Variants in GRIP2 observed in about 807,000 individuals in gnomAD.
GRIP2 encodes the protein glutamate receptor-interacting protein 2.
Under a neutral mutation model 108.3 loss-of-function variants are expected in GRIP2, and 58 were observed. The ratio of observed to expected loss-of-function variants is 0.54; its 90% CI spans 0.43 to 0.67. The LOEUF (loss-of-function observed/expected upper bound fraction) is 0.67, where lower values mean the gene tolerates loss of function less well. Among genes scored for constraint, GRIP2 ranks in the 30% least tolerant of loss-of-function variants. The pLI, the probability that GRIP2 is intolerant of heterozygous loss-of-function variation, is 0.00. For missense variants in GRIP2, 1,278 were observed against 1,430.6 expected (o/e 0.89, Z 1.72); for synonymous variants, 586 against 598.2 (o/e 0.98, Z 0.30).
intron 21 of GRIP2, among the ~76,000 whole-genome samples, chr3:14,503,101 C>T (rs1468975382): frequency 6.6e-6 from 1 of 152,230 alleles, no homozygotes; most frequent in Non-Finnish European, 1.5e-5. Context: ...CCCCTTATCT[C>T]CTGTGTCGTC....
intron 9 of GRIP2, 25 bp downstream of exon 9, chr3:14,520,085 C>T: frequency 1.3e-6 from 2 of 1,563,296 alleles, no homozygotes; most frequent in Non-Finnish European, 1.7e-6. Flanking sequence ...AGGTTTGGGC[C>T]CTGAGATCTA....
Position 14,505,682 on chromosome 3 carries a change from T to C in GRIP2, c.2506A>G (p.Thr836Ala). Reference sequence around the variant, plus strand: ...AAGCTCTCGTCAGCTGGGGTTGGGGTATAGCTCGTCCTCCGGGGCTCGGTG... The same window carrying C: ...AAGCTCTCGTCAGCTGGGGTTGGGGCATAGCTCGTCCTCCGGGGCTCGGTG... ...PPTEPRRTSY[T>A]PTPADESFPE... The change falls in exon 20 of 24, where the codon ACC becomes GCC. Residue 836 changes from threonine (T) to alanine (A), a missense_variant. Physicochemically the swap from Thr to Ala is moderately conservative, Grantham distance 58. Coordinates refer to ENST00000621039, the MANE Select transcript of GRIP2 (RefSeq NM_001080423.4). This position sits in a 1 kb window ranked among gnomAD's most constrained non-coding sequence, Gnocchi z 4.2. The C allele has an allele frequency of 6.2e-7, 1 of 1,605,576 alleles. No individual in the cohort carries two copies. The highest frequency in any genetic ancestry group is 8.5e-7 in the Non-Finnish European group (1 of 1,176,184).
Position 14,517,835 on chromosome 3 carries a change from G to T in GRIP2, c.1093C>A (p.Pro365Thr). 6.2e-7 allele frequency: 1 copy of T among 1,604,384 alleles called. No individual in the cohort carries two copies. Among genetic ancestry groups the T allele is most frequent in the Non-Finnish European group, 8.5e-7 (1 of 1,176,038 alleles). ...GGCATCCTGCAGTGGCCGGGCCGGGGGCTGTGGCAGGAGGGCACGCAGGGG... is the reference window on the plus strand; with the variant it reads ...GGCATCCTGCAGTGGCCGGGCCGGGTGCTGTGGCAGGAGGGCACGCAGGGG... ...WDPCVPSCHSPRPGHCRMPTW... is the reference protein window; with the variant it reads ...WDPCVPSCHSTRPGHCRMPTW... The change falls in exon 10 of 24, where the codon CCC becomes ACC. Residue 365 changes from proline (P) to threonine (T), a missense_variant. Pro to Thr is a conservative substitution (Grantham distance 38). Coordinates refer to ENST00000621039, the MANE Select transcript of GRIP2 (RefSeq NM_001080423.4).
At position 14,517,907 on chromosome 3, in the gene GRIP2, G is replaced by A. The variant is rs1267815412; in HGVS notation, c.1031-10C>T. 3 of 1,538,386 alleles carry A rather than the reference G, an allele frequency of 2.0e-6. No homozygotes were observed. Among genetic ancestry groups the A allele is most frequent in the Non-Finnish European group, 1.8e-6 (2 of 1,141,244 alleles). ...CTCCTCTGCACTTTCACTGTAGCCAGCGGAGAAAGAGGAAAGAGAGGTGCA... is the reference window on the plus strand; with the variant it reads ...CTCCTCTGCACTTTCACTGTAGCCAACGGAGAAAGAGGAAAGAGAGGTGCA... On this transcript the variant is annotated splice_polypyrimidine_tract_variant and intron_variant, in intron 9 of 23. Coordinates refer to ENST00000621039, the MANE Select transcript of GRIP2 (RefSeq NM_001080423.4).
chr3:14,524,272 G>T, intron 4 of GRIP2, 121 bp downstream of exon 4: 1 of 1,181,398 alleles, frequency 8.5e-7, no homozygotes, highest in Non-Finnish European at 1.2e-6. Context: ...CTTGTGGCCA[G>T]TCTCCAGGTT....
At chr3:14,563,299 G>T in the GRIP2 span, among the ~76,000 whole-genome samples, 4 of 152,116 alleles carry the variant, frequency 2.6e-5, no homozygotes, top group Admixed American at 1.3e-4. Flanking sequence ...TCTGTGGTTT[G>T]CCCTTAAAAT....
the GRIP2 span, chr3:14,573,138 G>A: frequency 2.1e-6 from 3 of 1,432,360 alleles, no homozygotes; most frequent in African/African-American, 4.2e-5. Flanking sequence ...CAGCCCAAAG[G>A]TGCAGAGGAA....
Position 14,511,369 on chromosome 3 carries a change from C to T in GRIP2, c.1787+44G>A, listed in dbSNP as rs1384772647. 1 of 1,613,926 alleles carries T rather than the reference C, an allele frequency of 6.2e-7. No homozygotes were observed. The highest frequency in any genetic ancestry group is 2.2e-5 in the East Asian group (1 of 44,880). On this transcript the variant is annotated intron_variant, in intron 15 of 23. Coordinates refer to ENST00000621039, the MANE Select transcript of GRIP2 (RefSeq NM_001080423.4). The surrounding 1 kb of genome is among the most constrained non-coding windows in gnomAD (Gnocchi z 4.1). ...GCCTGGTGCATGCAGGTGCCATACT[C>T]ACTGCTGTTGGCCACTTCCCTTCCT...
the GRIP2 span, chr3:14,573,427 T>A: frequency 7.1e-7 from 1 of 1,398,956 alleles, no homozygotes; most frequent in Non-Finnish European, 1.0e-6. Context: ...AGGATCCTGG[T>A]GTGCAGGAAG....
At chr3:14,588,370 CCTT>C in the GRIP2 span, among the ~76,000 whole-genome samples, 291 of 152,288 alleles carry the variant, frequency 1.9e-3, 5 homozygotes, top group Middle Eastern at 6.8e-3. Flanking sequence ...CACCCTCTCT[CCTT>C]CTCTGGACAC....
At chr3:14,540,990 G>C (rs1388858151), upstream of GRIP2, among the ~76,000 whole-genome samples, 1 of 152,230 alleles carries the variant, frequency 6.6e-6, no homozygotes, top group African/African-American at 2.4e-5. The surrounding 1 kb of genome is among the most constrained non-coding windows in gnomAD (Gnocchi z 4.1). Flanking sequence ...AGTGAGCTGG[G>C]TGGAGGATCT....
At chr3:14,587,489 A>G in the GRIP2 span, among the ~76,000 whole-genome samples, 2 of 152,124 alleles carry the variant, frequency 1.3e-5, no homozygotes, top group Non-Finnish European at 2.9e-5. Context: ...CAATACAAAA[A>G]TTAGCCAGGC....
chr3:14,524,192 T>C, intron 4 of GRIP2: 1 of 607,304 alleles, frequency 1.6e-6, no homozygotes, highest in South Asian at 2.0e-5. Flanking sequence ...ACATTGGCTA[T>C]AGAGTCCCAC....
At chr3:14,530,530 A>C (rs1285737089) in intron 1 of GRIP2, among the ~76,000 whole-genome samples, 3 of 152,084 alleles carry the variant, frequency 2.0e-5, no homozygotes, top group African/African-American at 7.2e-5. Flanking sequence ...TTTTATCTTT[A>C]ATTTCTCCTA....
At chr3:14,576,293 G>C in the GRIP2 span, among the ~76,000 whole-genome samples, 5 of 152,240 alleles carry the variant, frequency 3.3e-5, no homozygotes. Flanking sequence ...TCCATCCTCA[G>C]GACGGCACTG....
At chr3:14,531,468 G>A (rs1453958920) in intron 1 of GRIP2, among the ~76,000 whole-genome samples, 2 of 152,176 alleles carry the variant, frequency 1.3e-5, no homozygotes, top group African/African-American at 4.8e-5. Context: ...CTCATTTTGC[G>A]GGGCTCTGCC....
Position 14,505,268 on chromosome 3 carries a change from C to G in GRIP2, c.2573+347G>C, listed in dbSNP as rs1296516267. 6.6e-6 allele frequency among the ~76,000 whole-genome samples: 1 copy of G among 152,160 alleles called. No individual in the cohort carries two copies. Among genetic ancestry groups the G allele is most frequent in the Non-Finnish European group, 1.5e-5 (1 of 68,010 alleles). On this transcript the variant is annotated intron_variant, in intron 20 of 23. Coordinates refer to ENST00000621039, the MANE Select transcript of GRIP2 (RefSeq NM_001080423.4). The surrounding 1 kb of genome is among the most constrained non-coding windows in gnomAD (Gnocchi z 4.2). Reference sequence around the variant, plus strand: ...GGATGGTGCCGGTGGGCTGAGGGCCCTCGCAGGAGGCCATCAGGCCATCTG... The same window carrying G: ...GGATGGTGCCGGTGGGCTGAGGGCCGTCGCAGGAGGCCATCAGGCCATCTG...
intron 21 of GRIP2, among the ~76,000 whole-genome samples, chr3:14,497,950 G>A (rs1223935343): frequency 1.3e-5 from 2 of 152,202 alleles, no homozygotes; most frequent in Admixed American, 1.3e-4. Context: ...CAGAGATGGA[G>A]GTGGGGGTGC....
chr3:14,594,356 A>C, the GRIP2 span, among the ~76,000 whole-genome samples: 1 of 152,180 alleles, frequency 6.6e-6, no homozygotes, highest in African/African-American at 2.4e-5. Flanking sequence ...ATGCCCCAGG[A>C]GGAAGAGCAG....
Sources: gnomAD v4.1 joint callset for allele counts (sites outside exome capture counted in the v4.1 genomes callset) on GRCh38, gnomAD v4.1.1 for gene constraint, Gnocchi (gnomAD v3.1) non-coding constraint, MANE v1.5 for transcripts, NCBI Gene and HGNC (gene_info 2026-07-23, HGNC 2026-07-21) for gene names.